WNK2: variants seen among roughly 807,000 people sequenced by gnomAD.
The protein encoded by WNK2 is WNK lysine deficient protein kinase 2.
A neutral mutation model predicts 192.1 loss-of-function variants in WNK2; 67 were observed. That is an observed-to-expected ratio of 0.35 (90% CI 0.29 to 0.43). The LOEUF is 0.43. WNK2 is among the 20% of genes least tolerant of loss of function. The probability of loss-of-function intolerance (pLI) is 1.00; values close to 1 mark genes in which losing one functional copy is unlikely to be tolerated. For missense variants in WNK2, 2,698 were observed against 3,089.7 expected (o/e 0.87, Z 3.01); for synonymous variants, 1,439 against 1,393.9 (o/e 1.03, Z -0.72).
At chr9:93,319,820 TG>T (rs1274704096) in intron 29 of WNK2, among the ~76,000 whole-genome samples, 1 of 152,128 alleles carries the variant, frequency 6.6e-6, no homozygotes, top group African/African-American at 2.4e-5. Context: ...CCTCATCCTG[TG>T]GGACTCAGCG....
At chr9:93,209,264 G>C (rs1184921858) in intron 2 of WNK2, among the ~76,000 whole-genome samples, 1 of 152,150 alleles carries the variant, frequency 6.6e-6, no homozygotes, top group East Asian at 1.9e-4. Flanking sequence ...CCACAGGACA[G>C]GCCTGTGGCA....
chr9:93,236,263 C>T (rs1424927759), intron 5 of WNK2, among the ~76,000 whole-genome samples: 1 of 152,080 alleles, frequency 6.6e-6, no homozygotes, highest in Non-Finnish European at 1.5e-5. Flanking sequence ...TGTCCTGAAG[C>T]TGTCCCAGGG....
In WNK2 at chr9:93,320,443, G is replaced by T. The variant is rs935944214; in HGVS notation, c.*51G>T. On this transcript the variant is annotated 3_prime_UTR_variant, in exon 30 of 30. Coordinates refer to ENST00000427277, the MANE Select transcript of WNK2 (RefSeq NM_006648.4). ...CACGCCGTCTAAGTGGAGAAGTGAC[G>T]GACCCTCAGGGCCAGCTGCTCCTCC... is the stretch of plus-strand genomic sequence containing the variant. 7.3e-7 allele frequency: 1 copy of T among 1,366,284 alleles called. No individual in the cohort carries two copies. Among genetic ancestry groups the T allele is most frequent in the Non-Finnish European group, 9.8e-7 (1 of 1,020,754 alleles). The allele number at this position is 1,366,284 out of a possible 1,614,324, so 84.6% of individuals were successfully genotyped here. A position where few individuals can be genotyped will look rare whatever the true frequency, so the allele number is the denominator to read the frequency against.
intron 2 of WNK2, among the ~76,000 whole-genome samples, chr9:93,197,588 G>A (rs928605020): frequency 5.3e-5 from 8 of 152,112 alleles, no homozygotes; most frequent in Non-Finnish European, 8.8e-5. Context: ...GTGCAGTGGT[G>A]TGATCTTGGC....
In WNK2 at chr9:93,288,915, C is replaced by T. The variant is rs1426329851; in HGVS notation, c.4161C>T (p.Ser1387=). The change falls in exon 20 of 30, where the codon TCC becomes TCT. Residue 1387 remains serine, a synonymous_variant. Transcript: ENST00000427277. The part of the protein sequence containing the change: ...PGAPPAPLAP[S]SPPVTALPQD... Reference sequence around the variant, plus strand: ...CACCCCCAGCCCCTTTGGCCCCCTCCTCCCCTCCTGTGACTGCTCTGCCCC... The same window carrying T: ...CACCCCCAGCCCCTTTGGCCCCCTCTTCCCCTCCTGTGACTGCTCTGCCCC... 3 of 1,607,168 alleles carry T rather than the reference C, an allele frequency of 1.9e-6. No individual in the cohort carries two copies. The highest frequency in any genetic ancestry group is 2.2e-5 in the East Asian group (1 of 44,696).
At chr9:93,220,850 CCT>C (rs1006625031) in intron 2 of WNK2, among the ~76,000 whole-genome samples, 32 of 152,286 alleles carry the variant, frequency 2.1e-4, no homozygotes, top group African/African-American at 7.2e-4. Context: ...TCAGCTGCAC[CCT>C]GTCATGGTTC....
In WNK2 at chr9:93,267,859, C is replaced by T. The variant is rs753728867; in HGVS notation, c.3810C>T (p.Gly1270=). 5 of 1,611,108 alleles carry T rather than the reference C, an allele frequency of 3.1e-6. No individual in the cohort carries two copies. The East Asian group carries it at 1.1e-4, about 36-fold the overall frequency. Residue 1270 remains glycine, a synonymous_variant, in exon 17 of 30, where the codon GGC becomes GGT. Transcript: ENST00000427277. ...GCGAGGACACAGACGCCGACCGTGG[C>T]TCCGACCCAGGGACCAGCCCGCCAC... ...MLSEDTDADR[G]SDPGTSPPHL...
chr9:93,317,215 C>T (rs987544281), intron 28 of WNK2: 11 of 509,988 alleles, frequency 2.2e-5, no homozygotes, highest in Non-Finnish European at 7.1e-6. Flanking sequence ...TGTGGGGTCA[C>T]TCATGCGCCC....
Position 93,185,132 on chromosome 9 carries a change from CGCAGCCCCT to C in WNK2, c.209_217del (p.Pro70_Gln72del), listed in dbSNP as rs766857073. The C allele has an allele frequency of 1.5e-6, 2 of 1,307,270 alleles. No individual in the cohort carries two copies. Among genetic ancestry groups the C allele is most frequent in the Non-Finnish European group, 2.0e-6 (2 of 1,021,964 alleles). The allele number at this position is 1,307,270 out of a possible 1,614,324, so 81.0% of individuals were successfully genotyped here. A position where few individuals can be genotyped will look rare whatever the true frequency, so the allele number is the denominator to read the frequency against. On this transcript the variant is annotated inframe_deletion, in exon 2 of 30. Coordinates refer to ENST00000427277, the MANE Select transcript of WNK2 (RefSeq NM_006648.4). The stretch of plus-strand genomic sequence containing the variant: ...GCCGAGGCGCCGGGCCCGCAGCCCC[CGCAGCCCCT>C]GCAGCGCCGGGTGCTTCTGCTCTGC...
chr9:93,221,231 G>A (rs1017498949), intron 2 of WNK2, among the ~76,000 whole-genome samples: 1 of 152,222 alleles, frequency 6.6e-6, no homozygotes. Flanking sequence ...TCCCCTTGCT[G>A]CTGGCTCTTA....
chr9:93,186,139 TC>T, intron 2 of WNK2, among the ~76,000 whole-genome samples: 1 of 152,322 alleles, frequency 6.6e-6, no homozygotes, highest in South Asian at 2.1e-4. Flanking sequence ...AGAGACTTCT[TC>T]TGACCCAGGG....
rs749177394 is a variant in WNK2, at chr9:93,259,078, G to A, written c.2530G>A (p.Ala844Thr). Residue 844 changes from alanine to threonine, a missense_variant, in exon 12 of 30, where the codon GCT becomes ACT. Ala to Thr is a moderately conservative substitution (Grantham distance 58, BLOSUM62 0). This residue lies in a region of WNK2 where 893 missense variants were observed against 909.0 expected (regional missense o/e 0.98). Transcript: ENST00000427277. The surrounding 1 kb of genome is among the most constrained non-coding windows in gnomAD (Gnocchi z 4.8). ...FSPAVILPSL[A>T]APLPPASPAL... is the part of the protein sequence containing the mutation. Reference sequence around the variant, plus strand: ...TCCAGCCGTGATCTTGCCGAGCCTCGCTGCCCCACTCCCCCCTGCGTCCCC... The same window carrying A: ...TCCAGCCGTGATCTTGCCGAGCCTCACTGCCCCACTCCCCCCTGCGTCCCC... 44 of 1,612,830 alleles carry A rather than the reference G, an allele frequency of 2.7e-5. No homozygotes were observed. Among genetic ancestry groups the A allele is most frequent in the Non-Finnish European group, 3.2e-5 (38 of 1,179,656 alleles).
chr9:93,200,771 C>T (rs1212618839), intron 2 of WNK2, among the ~76,000 whole-genome samples: 5 of 152,078 alleles, frequency 3.3e-5, no homozygotes, highest in African/African-American at 1.2e-4. Flanking sequence ...AGACGGCCAC[C>T]TGCGCCATTT....
At chr9:93,209,379 T>C (rs1834068258) in intron 2 of WNK2, among the ~76,000 whole-genome samples, 1 of 152,180 alleles carries the variant, frequency 6.6e-6, no homozygotes, top group African/African-American at 2.4e-5. Context: ...TGGGGCTGCT[T>C]GCTCTCCATT....
chr9:93,300,460 CA>C, intron 26 of WNK2: 1 of 264,134 alleles, frequency 3.8e-6, no homozygotes, highest in South Asian at 1.6e-4. Context: ...GAGCCCTTTG[CA>C]TTCTTTTCGT....
At chr9:93,309,358 T>C (rs1853227394) in intron 28 of WNK2, among the ~76,000 whole-genome samples, 1 of 152,236 alleles carries the variant, frequency 6.6e-6, no homozygotes, top group Admixed American at 6.5e-5. Context: ...CACCTGTTCA[T>C]TCCTTGAGGG....
At chr9:93,235,444 C>T (rs143668248) in intron 5 of WNK2, among the ~76,000 whole-genome samples, 7 of 152,380 alleles carry the variant, frequency 4.6e-5, no homozygotes, top group Non-Finnish European at 1.0e-4. Flanking sequence ...AAGTGTGTCT[C>T]TAGGCAGTCG....
intron 2 of WNK2, among the ~76,000 whole-genome samples, chr9:93,196,743 G>C (rs1014922974): frequency 2.0e-5 from 3 of 152,210 alleles, no homozygotes; most frequent in Non-Finnish European, 4.4e-5. Flanking sequence ...GTTATGATCT[G>C]TTCTCTGGGG....
At position 93,239,931 on chromosome 9, in the gene WNK2, C is replaced by G; in HGVS notation, c.1497C>G (p.Thr499=). Residue 499 remains threonine, a synonymous_variant, in exon 7 of 30, where the codon ACC becomes ACG. Coordinates refer to ENST00000427277, the MANE Select transcript of WNK2 (RefSeq NM_006648.4). The surrounding 1 kb of genome is among the most constrained non-coding windows in gnomAD (Gnocchi z 4.2). ...AGGACAATGGAGCCATAGAGTTCACCTTCGACCTGGAGAAGGAGACGCCGG... is the reference window on the plus strand; with the variant it reads ...AGGACAATGGAGCCATAGAGTTCACGTTCGACCTGGAGAAGGAGACGCCGG... The part of the protein sequence containing the change: ...KPKDNGAIEF[T]FDLEKETPDE... The G allele has an allele frequency of 6.2e-7, 1 of 1,612,322 alleles. No homozygotes were observed. The highest frequency in any genetic ancestry group is 8.5e-7 in the Non-Finnish European group (1 of 1,179,242).
Sources: allele counts gnomAD v4.1 joint callset (sites outside exome capture counted in the v4.1 genomes callset), GRCh38; gene constraint gnomAD v4.1.1; regional missense constraint gnomAD v4.1.1; non-coding constraint Gnocchi (gnomAD v3.1); transcripts MANE v1.5; gene names NCBI Gene and HGNC (gene_info 2026-07-23, HGNC 2026-07-21).